The following OSTN variants were observed in gnomAD, a reference collection of about 807,000 sequenced individuals.
The protein encoded by OSTN is osteocrin.
In OSTN, 9 loss-of-function variants were observed where a neutral mutation model predicts 12.0. The ratio of observed to expected loss-of-function variants is 0.75; its 90% CI spans 0.45 to 1.30. The LOEUF is 1.30. Among genes scored for constraint, OSTN ranks in the 50% most tolerant of loss-of-function variants. The probability of loss-of-function intolerance (pLI) is 0.00; values close to 1 mark genes in which losing one functional copy is unlikely to be tolerated. For synonymous variants in OSTN, 59 were observed against 56.9 expected (o/e 1.04, Z -0.16); for missense variants, 148 against 152.3 (o/e 0.97, Z 0.15).
intron 4 of OSTN, among the ~76,000 whole-genome samples, chr3:191,252,870 G>T (rs9878041): frequency 0.47 from 71,876 of 152,132 alleles, 19,318 homozygotes; most frequent in African/African-American, 0.74. Flanking sequence ...ATTTAACAGA[G>T]AGCAGCTTAA....
At chr3:191,211,987 T>C (rs1714430729) in intron 1 of OSTN, among the ~76,000 whole-genome samples, 1 of 152,178 alleles carries the variant, frequency 6.6e-6, no homozygotes, top group Admixed American at 6.5e-5. Flanking sequence ...AATTTTGATA[T>C]AAAAACATAG....
In OSTN at chr3:191,264,001, G is replaced by A. The variant is rs980396748; in HGVS notation, c.*1148G>A. ...ATTCATCATAAGTTACTTAGCAGAA[G>A]TTTATAAAGCATCGAAAAACACTTC... On this transcript the variant is annotated 3_prime_UTR_variant, in exon 5 of 5. Transcript: ENST00000682035. The A allele has an allele frequency of 1.3e-5, 2 of 152,058 alleles. No individual in the cohort carries two copies. Among genetic ancestry groups the A allele is most frequent in the South Asian group, 2.1e-4 (1 of 4,832 alleles). 9.4% of individuals were successfully genotyped at this position (152,058 alleles called of 1,614,324 possible).
intron 1 of OSTN, among the ~76,000 whole-genome samples, chr3:191,202,589 G>C (rs1285560207): frequency 2.0e-5 from 3 of 152,124 alleles, no homozygotes; most frequent in African/African-American, 7.2e-5. Context: ...GTAAGATTTT[G>C]ATCAAATATT....
chr3:191,252,500 C>T (rs1164869674), intron 4 of OSTN, among the ~76,000 whole-genome samples: 1 of 152,196 alleles, frequency 6.6e-6, no homozygotes, highest in Non-Finnish European at 1.5e-5. Context: ...CTTCTCTTAG[C>T]AAACTTTGTT....
At chr3:191,201,677 C>T (rs1335965306) in intron 1 of OSTN, among the ~76,000 whole-genome samples, 1 of 152,066 alleles carries the variant, frequency 6.6e-6, no homozygotes, top group Non-Finnish European at 1.5e-5. Flanking sequence ...ATTTATAACT[C>T]TCTAGAGTGA....
chr3:191,232,766 C>G (rs531097436), intron 3 of OSTN, among the ~76,000 whole-genome samples: 7 of 151,840 alleles, frequency 4.6e-5, no homozygotes, highest in Non-Finnish European at 1.0e-4. Context: ...AGGTGCCTGC[C>G]ACCACACCTG....
intron 2 of OSTN, among the ~76,000 whole-genome samples, chr3:191,216,236 C>G (rs369643689): frequency 6.6e-6 from 1 of 152,154 alleles, no homozygotes; most frequent in East Asian, 1.9e-4. Context: ...ATGCAAGGCA[C>G]CAAGTCCCAA....
chr3:191,237,869 G>A (rs1008754404), intron 3 of OSTN, among the ~76,000 whole-genome samples: 9 of 152,248 alleles, frequency 5.9e-5, no homozygotes, highest in Non-Finnish European at 1.2e-4. Context: ...CTTCTGCCCC[G>A]TTCCTGTTCA....
chr3:191,252,711 C>T (rs905666052), intron 4 of OSTN, among the ~76,000 whole-genome samples: 9 of 152,174 alleles, frequency 5.9e-5, no homozygotes, highest in Admixed American at 4.6e-4. Context: ...TTTACTTCCT[C>T]ATGTGAAGTT....
rs1715871565 is a variant in OSTN, at chr3:191,264,253, T to A, written c.*1400T>A. 6.6e-6 allele frequency: 1 copy of A among 151,724 alleles called. No individual in the cohort carries two copies. Among genetic ancestry groups the A allele is most frequent in the African/African-American group, 2.4e-5 (1 of 41,126 alleles). The allele number at this position is 151,724 out of a possible 1,614,324, so 9.4% of individuals were successfully genotyped here. On this transcript the variant is annotated 3_prime_UTR_variant, in exon 5 of 5. Coordinates refer to ENST00000682035, the MANE Select transcript of OSTN (RefSeq NM_198184.2). ...AACTCAAAGAAACATAACAAAAATA[T>A]ATTAGAAAAAGAGTTAAACTAAGAA...
chr3:191,217,458 T>C (rs1714642958), intron 2 of OSTN, among the ~76,000 whole-genome samples: 1 of 151,654 alleles, frequency 6.6e-6, no homozygotes, highest in African/African-American at 2.4e-5. Flanking sequence ...TGACTAAAAG[T>C]GGGAAGGGAA....
intron 1 of OSTN, among the ~76,000 whole-genome samples, chr3:191,201,028 G>T (rs1714140085): frequency 6.6e-6 from 1 of 151,982 alleles, no homozygotes; most frequent in South Asian, 2.1e-4. Context: ...GCTAACTCTG[G>T]GTATCTCTCT....
chr3:191,226,682 C>G lies in OSTN; in HGVS notation c.317+7721C>G, dbSNP rs371339188. 3.9e-5 allele frequency among the ~76,000 whole-genome samples: 6 copies of G among 152,162 alleles called. No individual in the cohort carries two copies. In the East Asian group the frequency reaches 1.2e-3, roughly 29 times the overall value. On this transcript the variant is annotated intron_variant, in intron 3 of 4. Transcript: ENST00000682035. Reference sequence around the variant, plus strand: ...ATAGTCTTTTTTTACAATAGCATTGCCCATAGATAGATCAGAAGAGAAATT... The same window carrying G: ...ATAGTCTTTTTTTACAATAGCATTGGCCATAGATAGATCAGAAGAGAAATT...
intron 3 of OSTN, among the ~76,000 whole-genome samples, chr3:191,247,859 A>G (rs1039663254): frequency 6.6e-6 from 1 of 152,136 alleles, no homozygotes; most frequent in African/African-American, 2.4e-5. Context: ...CCCTGATCAG[A>G]GTCTCGCGTT....
chr3:191,254,366 G>A (rs1428255559), intron 4 of OSTN, among the ~76,000 whole-genome samples: 3 of 152,216 alleles, frequency 2.0e-5, no homozygotes, highest in Non-Finnish European at 4.4e-5. Flanking sequence ...TGAGAAGTCC[G>A]TATCAGCAGG....
intron 3 of OSTN, among the ~76,000 whole-genome samples, chr3:191,242,450 T>C (rs1431977701): frequency 6.6e-6 from 1 of 152,224 alleles, no homozygotes; most frequent in African/African-American, 2.4e-5. Context: ...AGGATTTCTA[T>C]AGAACTTGAC....
At chr3:191,249,510 C>T (rs1006047578) in intron 3 of OSTN, among the ~76,000 whole-genome samples, 2 of 152,076 alleles carry the variant, frequency 1.3e-5, no homozygotes, top group African/African-American at 4.8e-5. Context: ...TGTCGACCAT[C>T]ACATACAAAG....
rs561548978 is a variant in OSTN at position 191,264,131 on chromosome 3, GAGA to G, written c.*1281_*1283del. The G allele has an allele frequency of 2.8e-4, 43 of 152,240 alleles. No individual in the cohort carries two copies. Among genetic ancestry groups the G allele is most frequent in the African/African-American group, 9.9e-4 (41 of 41,570 alleles). 9.4% of individuals were successfully genotyped at this position (152,240 alleles called of 1,614,324 possible). On this transcript the variant is annotated 3_prime_UTR_variant, in exon 5 of 5. Coordinates refer to ENST00000682035, the MANE Select transcript of OSTN (RefSeq NM_198184.2). ...ATAAAAAGAGAGTGTTGTGAGTTGT[GAGA>G]AGGTGTCTTAATTTTAAAGGAAGAG... is the stretch of plus-strand genomic sequence containing the variant.
chr3:191,213,667 A>C (rs1365515412), intron 2 of OSTN, among the ~76,000 whole-genome samples: 2 of 152,014 alleles, frequency 1.3e-5, no homozygotes, highest in African/African-American at 4.8e-5. Context: ...GAGAAAAATT[A>C]GTTTATTTGA....
Sources: gnomAD v4.1 joint callset for allele counts (sites outside exome capture counted in the v4.1 genomes callset) on GRCh38, gnomAD v4.1.1 for gene constraint, MANE v1.5 for transcripts, NCBI Gene and HGNC (gene_info 2026-07-23, HGNC 2026-07-21) for gene names.